NBPF14: variants seen among roughly 807,000 people sequenced by gnomAD.
NBPF14 encodes the protein NBPF member 14.
A neutral mutation model predicts 91.2 loss-of-function variants in NBPF14; 104 were observed. The observed-to-expected ratio is 1.14, with a 90% confidence interval of 0.97 to 1.34. NBPF14 has a LOEUF of 1.34. NBPF14 is among the 40% of genes most tolerant of loss of function. NBPF14 has a pLI of 0.00. For missense variants in NBPF14, 908 were observed against 783.0 expected (o/e 1.16, Z -1.91); for synonymous variants, 294 against 303.8 (o/e 0.97, Z 0.34).
chr1:148,534,179 T>C (rs1475346144), intron 69 of NBPF14, among the ~76,000 whole-genome samples: 4 of 149,938 alleles, frequency 2.7e-5, no homozygotes, highest in Non-Finnish European at 4.4e-5. Flanking sequence ...GTCCCTATTC[T>C]AGTAGATCGT....
intron 69 of NBPF14, among the ~76,000 whole-genome samples, chr1:148,534,451 G>C (rs1386710404): frequency 6.6e-6 from 1 of 151,650 alleles, no homozygotes; most frequent in African/African-American, 2.4e-5. Flanking sequence ...ATGAGAATAG[G>C]ATCAGGGCGC....
At chr1:148,532,300 CAG>C (rs1281396036) in exon 71 of NBPF14, 1 of 153,858 alleles carries the variant, frequency 6.5e-6, no homozygotes, top group Non-Finnish European at 1.4e-5. Flanking sequence ...TCTGCACCGG[CAG>C]AGTCCTGGGT....
intron 36 of NBPF14, 77 bp from the exon 37 acceptor site, chr1:148,560,042 A>G: frequency 1.4e-6 from 1 of 694,824 alleles, no homozygotes; most frequent in South Asian, 1.5e-5. Context: ...TTTCATGGCT[A>G]ACGTAAGGAA....
Position 148,572,693 on chromosome 1 carries a change from A to C in NBPF14, c.2586-78T>G, listed in dbSNP as rs1306973479. 6 of 685,138 alleles carry C rather than the reference A, an allele frequency of 8.8e-6. 1 individual carries two copies. In the African/African-American group the frequency reaches 1.7e-4, roughly 20 times the overall value. 42.4% of individuals were successfully genotyped at this position (685,138 alleles called of 1,614,324 possible). A position where few individuals can be genotyped will look rare whatever the true frequency, so the allele number is the denominator to read the frequency against. The stretch of plus-strand genomic sequence containing the variant: ...CAGCCCCAGCTAGATTTCATGGCTA[A>C]CGTAAGGAAGAGTTTGAAAAGAAAA... On this transcript the variant is annotated intron_variant, in intron 20 of 70. Transcript: ENST00000619423.
chr1:148,589,865 T>G (rs1306890484), intron 6 of NBPF14, among the ~76,000 whole-genome samples: 1 of 147,736 alleles, frequency 6.8e-6, no homozygotes, highest in Non-Finnish European at 1.5e-5. Context: ...GCCAAGCATC[T>G]GGGATTACAA....
intron 68 of NBPF14, among the ~76,000 whole-genome samples, 196 bp downstream of exon 68, chr1:148,535,257 C>T (rs1185417057): frequency 5.0e-4 from 76 of 150,784 alleles, no homozygotes; most frequent in Middle Eastern, 3.4e-3. Flanking sequence ...GGTCAACCTA[C>T]AGTAAGTGAG....
intron 36 of NBPF14, among the ~76,000 whole-genome samples, chr1:148,560,301 A>C (rs1657597742): frequency 7.3e-6 from 1 of 136,464 alleles, no homozygotes; most frequent in Non-Finnish European, 1.5e-5. Context: ...GATCATGAAA[A>C]GAGTGAGCTC....
chr1:148,559,959 G>A lies in NBPF14; in HGVS notation c.4563C>T (p.Ser1521=), dbSNP rs1360947130. The A allele has an allele frequency of 1.4e-5, 19 of 1,361,002 alleles. 1 individual carries two copies. The highest frequency in any genetic ancestry group is 1.9e-5 in the Non-Finnish European group (19 of 986,640). The allele number at this position is 1,361,002 out of a possible 1,614,324, so 84.3% of individuals were successfully genotyped here. Residue 1521 remains serine (S), a synonymous_variant, in exon 37 of 71, where the codon AGC becomes AGT. Coordinates refer to ENST00000619423, the Ensembl canonical transcript of NBPF14. Reference sequence around the variant, plus strand: ...GCCCTTTCTCATGCAGCAGCTCCCTGCTGAGCCTGGAAAAGTGGAAAAAAG... The same window carrying A: ...GCCCTTTCTCATGCAGCAGCTCCCTACTGAGCCTGGAAAAGTGGAAAAAAG...
rs1461878133 is a variant in NBPF14, at chr1:148,559,931, C to T, written c.4591G>A (p.Glu1531Lys). Residue 1531 changes from glutamate to lysine, a missense_variant, in exon 37 of 71, where the codon GAA becomes AAA. Around this residue, in one of 13 missense-constraint regions of NBPF14, gnomAD observed 447 missense variants for 189.1 expected, o/e 2.36. Transcript: ENST00000619423. ...CTATCCAGTGAGTCCTGCAAGACTT[C>T]AGGCCCTTTCTCATGCAGCAGCTCC... 15 of 1,367,680 alleles carry T rather than the reference C, an allele frequency of 1.1e-5. 1 individual carries two copies. The highest frequency in any genetic ancestry group is 1.4e-5 in the Non-Finnish European group (14 of 992,984). 84.7% of individuals were successfully genotyped at this position (1,367,680 alleles called of 1,614,324 possible).
intron 14 of NBPF14, 81 bp from the exon 15 acceptor site, chr1:148,577,436 T>A: frequency 1.5e-6 from 1 of 665,132 alleles, no homozygotes. Flanking sequence ...ATGGCTAACG[T>A]AAGGAAGAGT....
At position 148,566,334 on chromosome 1, in the gene NBPF14, G is replaced by C. The variant is rs1467438024; in HGVS notation, c.3543-19C>G. The C allele has an allele frequency of 3.9e-6, 3 of 776,780 alleles. 1 individual carries two copies. Among genetic ancestry groups the C allele is most frequent in the Non-Finnish European group, 4.5e-6 (2 of 442,138 alleles). 48.1% of individuals were successfully genotyped at this position (776,780 alleles called of 1,614,324 possible). On this transcript the variant is annotated intron_variant, in intron 28 of 70. Transcript: ENST00000619423. The stretch of plus-strand genomic sequence containing the variant: ...GCTGAGCCTGGAAAAGGAGGAAAAG[G>C]TAAAGAATAAGCCAGGGGAAATCAG...
chr1:148,559,402 T>A (rs1388870819), intron 37 of NBPF14, among the ~76,000 whole-genome samples: 2 of 134,140 alleles, frequency 1.5e-5, no homozygotes, highest in Non-Finnish European at 3.0e-5. Context: ...ACTGCACTAT[T>A]CACCCTGTCT....
chr1:148,572,805 CAGACAG>C (rs1262285066), intron 20 of NBPF14, among the ~76,000 whole-genome samples, 190 bp from the exon 21 acceptor site: 901 of 53,026 alleles, frequency 0.017, 44 homozygotes, highest in Middle Eastern at 0.065. Flanking sequence ...AAGAGAGAGA[CAGACAG>C]AGACAGAGAC....
chr1:148,538,174 T>A, intron 64 of NBPF14, among the ~76,000 whole-genome samples, 168 bp from the exon 65 acceptor site: 1 of 36,886 alleles, frequency 2.7e-5, no homozygotes, highest in African/African-American at 1.3e-4. Flanking sequence ...CAGGGCCAAA[T>A]GGAAAAGAAT....
chr1:148,593,814 C>T lies in NBPF14; in HGVS notation c.176-114G>A, dbSNP rs1198832326. The T allele has an allele frequency of 5.7e-5, 58 of 1,009,706 alleles. 3 individuals carry two copies. The highest frequency in any genetic ancestry group is 3.1e-4 in the East Asian group (13 of 41,786). The allele number at this position is 1,009,706 out of a possible 1,614,324, so 62.5% of individuals were successfully genotyped here. A position where few individuals can be genotyped will look rare whatever the true frequency, so the allele number is the denominator to read the frequency against. On this transcript the variant is annotated intron_variant, in intron 2 of 70. Transcript: ENST00000619423. ...AAGGACAAAACTCTCCCCAGTACCACGGTCTAGACAGGGATTTCCACATCT... is the reference window on the plus strand; with the variant it reads ...AAGGACAAAACTCTCCCCAGTACCATGGTCTAGACAGGGATTTCCACATCT...
At chr1:148,590,040 CTTTTTTTTTTT>C (rs1196401979) in intron 6 of NBPF14, among the ~76,000 whole-genome samples, 3 of 76,348 alleles carry the variant, frequency 3.9e-5, no homozygotes, top group African/African-American at 1.2e-4. Flanking sequence ...CAGAGACTTA[CTTTTTTTTTTT>C]TTTTTTTTTT....
At chr1:148,558,160 T>G in intron 39 of NBPF14, 92 bp downstream of exon 39, 1 of 231,006 alleles carries the variant, frequency 4.3e-6, no homozygotes, top group Non-Finnish European at 7.2e-6. Flanking sequence ...CAATGACGTC[T>G]CTCGGGTCAG....
chr1:148,578,552 C>T (rs1386052298), intron 13 of NBPF14, among the ~76,000 whole-genome samples: 4 of 89,222 alleles, frequency 4.5e-5, no homozygotes, highest in Admixed American at 1.3e-4. Flanking sequence ...AGGAACATGA[C>T]GGACAGATGA....
At chr1:148,585,642 A>C in intron 9 of NBPF14, among the ~76,000 whole-genome samples, 1 of 149,254 alleles carries the variant, frequency 6.7e-6, no homozygotes, top group South Asian at 2.1e-4. Context: ...TCAAGCCTCC[A>C]AGTGGCTTCT....
Sources: gnomAD v4.1 joint callset for allele counts (sites outside exome capture counted in the v4.1 genomes callset) on GRCh38, gnomAD v4.1.1 for gene constraint, gnomAD v4.1.1 regional missense constraint, MANE v1.5 for transcripts, NCBI Gene and HGNC (gene_info 2026-07-23, HGNC 2026-07-21) for gene names.